ATP2B2: variants seen among roughly 807,000 people sequenced by gnomAD.
ATP2B2 encodes the protein ATPase plasma membrane Ca2+ transporting 2.
Under a neutral mutation model 120.0 loss-of-function variants are expected in ATP2B2, and 15 were observed. That is an observed-to-expected ratio of 0.12 (90% confidence interval 0.08 to 0.19). ATP2B2 has a LOEUF of 0.19. Ranked by LOEUF, ATP2B2 falls within the 10% of genes least tolerant of loss-of-function variation. The pLI is 1.00. For missense variants in ATP2B2, 1,045 were observed against 1,719.8 expected, an observed-to-expected ratio of 0.61 and a Z score of 6.94; for synonymous variants, 694 against 700.3, an observed-to-expected ratio of 0.99 and a Z score of 0.14.
rs116707012 is a variant in ATP2B2 at position 10,498,928 on chromosome 3, C to T, written c.-320+6537G>A. ...AGCAGGGCAGAAGCTCAACATATTT[C>T]GAATGCCTGGCATGATGAGGGTTCC... On this transcript the variant is annotated intron_variant, in intron 1 of 22. Transcript: ENST00000360273. Among the ~76,000 whole-genome samples the T allele has an allele frequency of 3.7e-3, 558 of 152,274 alleles. 3 individuals are homozygous for T. The highest frequency in any genetic ancestry group is 0.013 in the African/African-American group (535 of 41,554).
intron 1 of ATP2B2, among the ~76,000 whole-genome samples, chr3:10,696,482 T>C (rs1228352274): frequency 6.6e-6 from 1 of 152,304 alleles, no homozygotes; most frequent in East Asian, 1.9e-4. Context: ...TCCTTTGGTT[T>C]CAGCCTTTCC....
At chr3:10,467,662 G>A (rs1011307145) in intron 1 of ATP2B2, among the ~76,000 whole-genome samples, 2 of 152,148 alleles carry the variant, frequency 1.3e-5, no homozygotes, top group Non-Finnish European at 2.9e-5. Flanking sequence ...AAAGGCAGAG[G>A]ACATGCACTG....
intron 1 of ATP2B2, among the ~76,000 whole-genome samples, chr3:10,643,210 C>T (rs6442188): frequency 0.33 from 49,981 of 152,064 alleles, 12,793 homozygotes; most frequent in African/African-American, 0.71. Flanking sequence ...CTATAAGTCT[C>T]TGGGGAACAA....
At chr3:10,495,176 T>C (rs933079087) in intron 1 of ATP2B2, among the ~76,000 whole-genome samples, 22 of 152,254 alleles carry the variant, frequency 1.4e-4, no homozygotes, top group South Asian at 4.1e-4. Context: ...GGCAGTTGCA[T>C]TGGGACATGG....
intron 12 of ATP2B2, among the ~76,000 whole-genome samples, chr3:10,367,357 C>T (rs1321097028): frequency 6.6e-6 from 1 of 151,908 alleles, no homozygotes; most frequent in African/African-American, 2.4e-5. Context: ...CTGGTAGGTT[C>T]CCTTCTGTTT....
At chr3:10,456,725 C>T (rs924388560) in intron 1 of ATP2B2, among the ~76,000 whole-genome samples, 2 of 152,248 alleles carry the variant, frequency 1.3e-5, no homozygotes, top group African/African-American at 4.8e-5. Flanking sequence ...GGGGAGGCCT[C>T]CAGCTTGTTG....
chr3:10,333,546 G>C (rs936604131), intron 22 of ATP2B2, among the ~76,000 whole-genome samples: 10 of 152,216 alleles, frequency 6.6e-5, no homozygotes, highest in Middle Eastern at 3.4e-3. Flanking sequence ...GAGGCACGAG[G>C]CTGTGTTGTC....
chr3:10,375,505 G>T lies in ATP2B2; in HGVS notation c.1341C>A (p.Gly447=), dbSNP rs754134832. The part of the protein sequence containing the change: ...VQYFVKFFII[G]VTVLVVAVPE... ...GCACGGCGACCACCAGCACCGTCAC[G>T]CCAATGATGAAGAACTTGACAAAGT... The change falls in exon 11 of 23, where the codon GGC becomes GGA. Residue 447 remains glycine, a synonymous_variant. Transcript: ENST00000360273. The surrounding 1 kb of genome is among the most constrained non-coding windows in gnomAD (Gnocchi z 4.2). The T allele has an allele frequency of 6.2e-7, 1 of 1,613,562 alleles. No individual in the cohort carries two copies. The highest frequency in any genetic ancestry group is 1.3e-5 in the African/African-American group (1 of 74,914).
At chr3:10,355,582 T>A (rs1256869629) in intron 14 of ATP2B2, among the ~76,000 whole-genome samples, 3 of 152,154 alleles carry the variant, frequency 2.0e-5, no homozygotes, top group Non-Finnish European at 4.4e-5. Flanking sequence ...GAGAGGGAAG[T>A]GGCTCGTTAG....
chr3:10,693,640 A>T (rs2071702219), intron 1 of ATP2B2, among the ~76,000 whole-genome samples: 1 of 152,258 alleles, frequency 6.6e-6, no homozygotes, highest in Non-Finnish European at 1.5e-5. Flanking sequence ...CCATTCTAGC[A>T]ATAGAGATAT....
chr3:10,445,027 TGTCCTCTGATGG>T (rs2063791021), intron 2 of ATP2B2, among the ~76,000 whole-genome samples: 1 of 152,256 alleles, frequency 6.6e-6, no homozygotes, highest in South Asian at 2.1e-4. Flanking sequence ...CATCTTTCCA[TGTCCTCTGATGG>T]CATGTTAACT....
intron 1 of ATP2B2, among the ~76,000 whole-genome samples, chr3:10,451,901 CATCTACT>C (rs748258851): frequency 7.2e-5 from 11 of 152,242 alleles, no homozygotes; most frequent in South Asian, 6.2e-4. Flanking sequence ...ATTTCTTAAG[CATCTACT>C]ATGTACCAGG....
At chr3:10,510,301 A>C (rs967321001), upstream of ATP2B2, among the ~76,000 whole-genome samples, 8 of 152,238 alleles carry the variant, frequency 5.3e-5, no homozygotes, top group Admixed American at 6.5e-5. Context: ...GTTCCTCACA[A>C]AACCCTGGGA....
intron 3 of ATP2B2, among the ~76,000 whole-genome samples, chr3:10,409,693 G>T (rs1448870313): frequency 6.6e-6 from 1 of 152,166 alleles, no homozygotes; most frequent in African/African-American, 2.4e-5. Flanking sequence ...GGCAACTTTG[G>T]CTTGGGAGGG....
rs199935477 is a variant in ATP2B2, at chr3:10,360,070, G to A, written c.1713C>T (p.Cys571=). 28 of 1,608,824 alleles carry A rather than the reference G, an allele frequency of 1.7e-5. No individual in the cohort carries two copies. Among genetic ancestry groups the A allele is most frequent in the African/African-American group, 4.0e-5 (3 of 74,966 alleles). ...GGTCCAGCACGAAGCCCAGCAGGCC[G>A]CACTCCGTCTTGTTGCCCACCTGCC... is the stretch of plus-strand genomic sequence containing the variant. The part of the protein sequence containing the change: ...LPRQVGNKTE[C]GLLGFVLDLK... Residue 571 remains cysteine, a synonymous_variant, in exon 13 of 23, where the codon TGC becomes TGT. Transcript: ENST00000360273.
rs374767798 is a variant in ATP2B2 at position 10,459,331 on chromosome 3, T to C, written c.-319-9469A>G. ...AAGTCACTAGCAGATCCAGACAAGATAGCCTGTTTGAGGCAGAAAAGTGTT... is the reference window on the plus strand; with the variant it reads ...AAGTCACTAGCAGATCCAGACAAGACAGCCTGTTTGAGGCAGAAAAGTGTT... On this transcript the variant is annotated intron_variant, in intron 1 of 22. Coordinates refer to ENST00000360273, the MANE Select transcript of ATP2B2 (RefSeq NM_001001331.4). 1.1e-4 allele frequency among the ~76,000 whole-genome samples: 17 copies of C among 152,354 alleles called. No homozygotes were observed. In the East Asian group the frequency reaches 3.3e-3, roughly 29 times the overall value.
chr3:10,624,806 GA>G, intron 1 of ATP2B2, among the ~76,000 whole-genome samples: 1 of 152,316 alleles, frequency 6.6e-6, no homozygotes, highest in South Asian at 2.1e-4. Flanking sequence ...ACTTTCTGAG[GA>G]AAAGCACTTT....
At chr3:10,401,223 GC>G in intron 4 of ATP2B2, 145 bp from the exon 5 acceptor site, 1 of 1,075,400 alleles carries the variant, frequency 9.3e-7, no homozygotes, top group Non-Finnish European at 1.3e-6. Flanking sequence ...CCAAGATGGT[GC>G]CCATAGAAGG....
intron 1 of ATP2B2, among the ~76,000 whole-genome samples, chr3:10,641,486 C>A (rs1161088084): frequency 1.3e-5 from 2 of 152,226 alleles, no homozygotes; most frequent in Non-Finnish European, 2.9e-5. Flanking sequence ...AGCTGGAAAT[C>A]AAAATTCAAC....
Sources: allele counts gnomAD v4.1 joint callset (sites outside exome capture counted in the v4.1 genomes callset), GRCh38; gene constraint gnomAD v4.1.1; non-coding constraint Gnocchi (gnomAD v3.1); transcripts MANE v1.5; gene names NCBI Gene and HGNC (gene_info 2026-07-23, HGNC 2026-07-21).